Variants in KIAA1549L observed in about 807,000 individuals in gnomAD.
KIAA1549L encodes the protein UPF0606 protein KIAA1549L.
A neutral mutation model predicts 160.7 loss-of-function variants in KIAA1549L; 88 were observed. The ratio of observed to expected loss-of-function variants is 0.55; its 90% CI spans 0.46 to 0.65. KIAA1549L has a LOEUF of 0.65. Ranked by LOEUF, KIAA1549L falls within the 30% of genes least tolerant of loss-of-function variation. The pLI, the probability that KIAA1549L is intolerant of heterozygous loss-of-function variation, is 0.00. For missense variants in KIAA1549L, 2,258 were observed against 2,437.5 expected, an observed-to-expected ratio of 0.93 and a Z score of 1.55; for synonymous variants, 950 against 976.7, an observed-to-expected ratio of 0.97 and a Z score of 0.51.
chr11:33,610,051 A>G, intron 15 of KIAA1549L, 85 bp downstream of exon 15: 2 of 973,524 alleles, frequency 2.1e-6, no homozygotes, highest in Admixed American at 3.7e-5. Context: ...CTGGTTCCTT[A>G]TCTGGTACTG....
chr11:33,557,277 C>T (rs965834406), intron 6 of KIAA1549L, among the ~76,000 whole-genome samples: 7 of 152,206 alleles, frequency 4.6e-5, no homozygotes, highest in Non-Finnish European at 1.0e-4. Flanking sequence ...GCATGAGCCA[C>T]CACACCCAGC....
rs78836117 is a variant in KIAA1549L, at chr11:33,467,272, A to G, written c.239-74530A>G. Among the ~76,000 whole-genome samples, 396 of 152,342 alleles carry G rather than the reference A, an allele frequency of 2.6e-3. 21 individuals are homozygous for G. In the East Asian group the frequency reaches 0.072, roughly 28 times the overall value. On this transcript the variant is annotated intron_variant, in intron 1 of 20. Transcript: ENST00000658780. ...AGGTGAGGGGTGGGAAAGGCAGTCT[A>G]CAATGTATGGAGATGAGAATGTCAG...
chr11:33,561,562 T>A, intron 7 of KIAA1549L, 114 bp from the exon 8 acceptor site: 1 of 830,540 alleles, frequency 1.2e-6, no homozygotes, highest in Non-Finnish European at 2.0e-6. Flanking sequence ...AGCCCAGGAG[T>A]TCAAGAACAG....
In KIAA1549L at chr11:33,584,652, G is replaced by C. The variant is rs976405295; in HGVS notation, c.4566+1151G>C. ...CGTTTGTTCATCACAGCAGCCTTAT[G>C]AGGTAGCTCGTAGTCAGGGAAGGTT... On this transcript the variant is annotated intron_variant, in intron 11 of 20. Coordinates refer to ENST00000658780, the MANE Select transcript of KIAA1549L (RefSeq NM_012194.3). 3.3e-5 allele frequency among the ~76,000 whole-genome samples: 5 copies of C among 152,358 alleles called. No homozygotes were observed. The South Asian group carries it at 6.2e-4, about 19-fold the overall frequency.
At chr11:33,617,165 G>C (rs1850834095) in intron 15 of KIAA1549L, among the ~76,000 whole-genome samples, 2 of 151,484 alleles carry the variant, frequency 1.3e-5, no homozygotes, top group Non-Finnish European at 2.9e-5. Context: ...TGTTTGGAGA[G>C]TTTTCTGAAG....
intron 1 of KIAA1549L, among the ~76,000 whole-genome samples, chr11:33,486,562 TAA>T (rs1852532491): frequency 1.3e-5 from 2 of 152,228 alleles, no homozygotes; most frequent in African/African-American, 4.8e-5. Flanking sequence ...TTAATTTAAT[TAA>T]GTCTTTGTAA....
chr11:33,649,860 CAA>C (rs1197298537), intron 17 of KIAA1549L, among the ~76,000 whole-genome samples: 7 of 95,102 alleles, frequency 7.4e-5, no homozygotes, highest in Non-Finnish European at 9.0e-5. Context: ...AATCCCATCT[CAA>C]AAAAAAAAAA....
chr11:33,663,111 G>T (rs1033615162), intron 20 of KIAA1549L, among the ~76,000 whole-genome samples: 1 of 152,202 alleles, frequency 6.6e-6, no homozygotes, highest in Admixed American at 6.5e-5. Context: ...CCAGTTGTCA[G>T]CTTGAAAAGG....
intron 8 of KIAA1549L, among the ~76,000 whole-genome samples, chr11:33,565,045 TGGCCAAGGCTGGG>T (rs1319640317): frequency 4.6e-5 from 7 of 152,130 alleles, no homozygotes; most frequent in African/African-American, 1.7e-4. Flanking sequence ...GAGTCACGGG[TGGCCAAGGCTGGG>T]GGACCAGGGC....
At position 33,419,901 on chromosome 11, in the gene KIAA1549L, CATACAT is replaced by C. The variant is rs1185924253; in HGVS notation, c.238+43016_238+43021del. Among the ~76,000 whole-genome samples, 807 of 129,658 alleles carry C rather than the reference CATACAT, an allele frequency of 6.2e-3. 7 individuals carry two copies. The highest frequency in any genetic ancestry group is 0.022 in the African/African-American group (564 of 25,434). 85.1% of individuals were successfully genotyped at this position (129,658 alleles called of 152,430 possible). On this transcript the variant is annotated intron_variant, in intron 1 of 20. Coordinates refer to ENST00000658780, the MANE Select transcript of KIAA1549L (RefSeq NM_012194.3). Reference sequence around the variant, plus strand: ...ACATACATACATACATACATACATACATACATATATATATATGAATAGCTTTATTTT... The same window carrying C: ...ACATACATACATACATACATACATACATATATATATGAATAGCTTTATTTT...
At chr11:33,661,065 CAA>C in intron 20 of KIAA1549L, 51 bp downstream of exon 20, 1 of 1,513,558 alleles carries the variant, frequency 6.6e-7, no homozygotes, top group Non-Finnish European at 8.9e-7. Flanking sequence ...TAACACATGC[CAA>C]AAAGTAAATT....
At chr11:33,435,469 C>G (rs1476243396) in intron 1 of KIAA1549L, among the ~76,000 whole-genome samples, 1 of 151,886 alleles carries the variant, frequency 6.6e-6, no homozygotes, top group Non-Finnish European at 1.5e-5. Flanking sequence ...CTCTGTAAAT[C>G]ACACATGTAT....
chr11:33,633,174 T>C (rs1851348611), intron 16 of KIAA1549L, among the ~76,000 whole-genome samples: 1 of 140,598 alleles, frequency 7.1e-6, no homozygotes. Flanking sequence ...TTTTTTTGTA[T>C]TTTTAGTAGA....
intron 1 of KIAA1549L, among the ~76,000 whole-genome samples, chr11:33,530,439 ATATATATATATATATATATATATATAT>A (rs1853738963): frequency 2.7e-4 from 1 of 3,744 alleles, no homozygotes; most frequent in Non-Finnish European, 5.0e-4. Flanking sequence ...AAAAAAAAAT[ATATATATATATATATATATATATATAT>A]ATATATATAT....
intron 20 of KIAA1549L, among the ~76,000 whole-genome samples, chr11:33,661,733 A>G (rs904822833): frequency 6.6e-6 from 1 of 152,086 alleles, no homozygotes; most frequent in African/African-American, 2.4e-5. Flanking sequence ...CACAAAAATT[A>G]GCTGGGCGTG....
At chr11:33,613,239 C>CT (rs1850693116) in intron 15 of KIAA1549L, among the ~76,000 whole-genome samples, 1 of 152,106 alleles carries the variant, frequency 6.6e-6, no homozygotes, top group Non-Finnish European at 1.5e-5. Flanking sequence ...TAAGAGTTCC[C>CT]TTTTTCCTGT....
At chr11:33,578,345 C>T (rs1234113716) in intron 10 of KIAA1549L, among the ~76,000 whole-genome samples, 1 of 152,176 alleles carries the variant, frequency 6.6e-6, no homozygotes, top group Non-Finnish European at 1.5e-5. Flanking sequence ...GGCTGCCACC[C>T]TCTGACCCTT....
At chr11:33,515,851 G>A (rs1383148626) in intron 1 of KIAA1549L, among the ~76,000 whole-genome samples, 1 of 152,108 alleles carries the variant, frequency 6.6e-6, no homozygotes, top group African/African-American at 2.4e-5. Flanking sequence ...ACTATTAGAG[G>A]GAATCCTCTA....
intron 16 of KIAA1549L, among the ~76,000 whole-genome samples, chr11:33,622,443 A>G (rs565029835): frequency 3.2e-4 from 48 of 152,326 alleles, no homozygotes; most frequent in Non-Finnish European, 5.9e-4. Context: ...ACCGAGGTTA[A>G]GAAAACACAG....
Sources: gnomAD v4.1 joint callset for allele counts (sites outside exome capture counted in the v4.1 genomes callset) on GRCh38, gnomAD v4.1.1 for gene constraint, MANE v1.5 for transcripts, NCBI Gene and HGNC (gene_info 2026-07-23, HGNC 2026-07-21) for gene names.